CLIP2: variants seen among roughly 807,000 people sequenced by gnomAD.
CLIP2 encodes CAP-Gly domain containing linker protein 2.
A neutral mutation model predicts 111.7 loss-of-function variants in CLIP2; 41 were observed. The ratio of observed to expected loss-of-function variants is 0.37; its 90% CI spans 0.29 to 0.48. CLIP2 has a LOEUF of 0.48. Among genes scored for constraint, CLIP2 ranks in the 20% least tolerant of loss-of-function variants. CLIP2 has a pLI of 0.99. For missense variants in CLIP2, 1,160 were observed against 1,422.1 expected (o/e 0.82, Z 2.96); for synonymous variants, 660 against 644.2 (o/e 1.02, Z -0.37).
intron 13 of CLIP2, among the ~76,000 whole-genome samples, chr7:74,395,684 GAT>G (rs1791425624): frequency 6.6e-6 from 1 of 152,172 alleles, no homozygotes; most frequent in Non-Finnish European, 1.5e-5. Flanking sequence ...TTTCTTGATT[GAT>G]ACAGGCCACC....
intron 3 of CLIP2, among the ~76,000 whole-genome samples, chr7:74,342,775 C>T (rs1216250654): frequency 3.3e-5 from 5 of 152,084 alleles, no homozygotes; most frequent in African/African-American, 1.2e-4. Flanking sequence ...TGGCCGGGCG[C>T]GGTGGCTCAC....
intron 8 of CLIP2, among the ~76,000 whole-genome samples, chr7:74,368,448 C>T (rs1236382053): frequency 5.9e-5 from 9 of 151,472 alleles, no homozygotes; most frequent in African/African-American, 2.2e-4. Flanking sequence ...ACCTGGGAGG[C>T]GGAGGTTGCA....
chr7:74,338,481 C>G lies in CLIP2; in HGVS notation c.155C>G (p.Ser52Cys), dbSNP rs1554732579. 1.2e-6 allele frequency: 2 copies of G among 1,612,562 alleles called. No homozygotes were observed. Among genetic ancestry groups the G allele is most frequent in the South Asian group, 1.1e-5 (1 of 90,982 alleles). ...CTGCACAAACAGTCATCTGGACCCT[C>G]CTCCTCCCCGGCCGCAGCTGCTGCC... ...SPLHKQSSGPSSSPAAAAAPE... is the reference protein window; with the variant it reads ...SPLHKQSSGPCSSPAAAAAPE... The change falls in exon 3 of 17, where the codon TCC (serine) becomes TGC (cysteine). Residue 52 changes from serine to cysteine, a missense_variant. Ser to Cys is a moderately radical substitution (Grantham distance 112). Transcript: ENST00000223398. This position sits in a 1 kb window ranked among gnomAD's most constrained non-coding sequence, Gnocchi z 4.3.
chr7:74,298,224 T>C (rs1554726326), intron 1 of CLIP2, among the ~76,000 whole-genome samples: 1 of 149,118 alleles, frequency 6.7e-6, no homozygotes. Flanking sequence ...TTCACTCTGT[T>C]GCCCAGGCTG....
At chr7:74,349,008 TACAAGAATATTCATA>T (rs1789894026) in intron 3 of CLIP2, among the ~76,000 whole-genome samples, 1 of 151,484 alleles carries the variant, frequency 6.6e-6, no homozygotes, top group Non-Finnish European at 1.5e-5. Context: ...AAAAATCTTG[TACAAGAATATTCATA>T]GCAACATTAT....
At chr7:74,303,209 T>C (rs1001177857) in intron 1 of CLIP2, among the ~76,000 whole-genome samples, 9 of 152,196 alleles carry the variant, frequency 5.9e-5, no homozygotes, top group Admixed American at 5.2e-4. Context: ...GTGGAGACTC[T>C]AGCTTCACCA....
chr7:74,307,054 C>T (rs977215247), intron 1 of CLIP2, among the ~76,000 whole-genome samples: 1 of 152,224 alleles, frequency 6.6e-6, no homozygotes, highest in Admixed American at 6.5e-5. Context: ...GGCAGGTGGC[C>T]TCCCCCTTCT....
At chr7:74,372,886 C>T (rs1244280546) in intron 8 of CLIP2, 46 bp from the exon 9 acceptor site, 7 of 370,222 alleles carry the variant, frequency 1.9e-5, no homozygotes, top group African/African-American at 1.1e-4. Context: ...CCCCTCCCTG[C>T]GTCCCCGCCC....
chr7:74,405,859 C>G lies in CLIP2; in HGVS notation c.*2011C>G, dbSNP rs1554318555. 1 of 152,540 alleles carries G rather than the reference C, an allele frequency of 6.6e-6. No individual in the cohort carries two copies. Among genetic ancestry groups the G allele is most frequent in the East Asian group, 1.9e-4 (1 of 5,186 alleles). The allele number at this position is 152,540 out of a possible 1,614,324, so 9.4% of individuals were successfully genotyped here. On this transcript the variant is annotated 3_prime_UTR_variant, in exon 17 of 17. Coordinates refer to ENST00000223398, the MANE Select transcript of CLIP2 (RefSeq NM_003388.5). The stretch of plus-strand genomic sequence containing the variant: ...CCCTCCCCAGGTCCTTCATTCACCC[C>G]TCCCCTCCCCACAGTGGAATTGTTG...
At chr7:74,369,088 C>T (rs1032518248) in intron 8 of CLIP2, among the ~76,000 whole-genome samples, 2 of 152,184 alleles carry the variant, frequency 1.3e-5, no homozygotes, top group Non-Finnish European at 2.9e-5. Flanking sequence ...TGGTGGCTCA[C>T]GCCTATAATC....
At chr7:74,311,246 C>T (rs550152313) in intron 1 of CLIP2, among the ~76,000 whole-genome samples, 4 of 152,184 alleles carry the variant, frequency 2.6e-5, no homozygotes, top group East Asian at 1.9e-4. Flanking sequence ...CCCAAAGTGC[C>T]GGGATTACAG....
At chr7:74,327,908 G>A (rs113808294) in intron 2 of CLIP2, among the ~76,000 whole-genome samples, 2,158 of 152,286 alleles carry the variant, frequency 0.014, 59 homozygotes, top group African/African-American at 0.049. Flanking sequence ...TGGGTTCCCC[G>A]GCCGCCTCTG....
chr7:74,381,711 CT>C (rs1790952000), intron 11 of CLIP2: 1 of 441,518 alleles, frequency 2.3e-6, no homozygotes, highest in Admixed American at 2.5e-5. Context: ...AACAATGTAT[CT>C]TGGAGAGGGT....
chr7:74,372,400 CT>C (rs147958678), intron 8 of CLIP2, among the ~76,000 whole-genome samples: 5,685 of 24,404 alleles, frequency 0.23, 1,687 homozygotes, highest in East Asian at 0.66. Context: ...TAGCACAGGC[CT>C]TGGGGGGGGG....
chr7:74,317,263 T>C (rs115048366), intron 1 of CLIP2, among the ~76,000 whole-genome samples: 7 of 152,156 alleles, frequency 4.6e-5, no homozygotes, highest in African/African-American at 1.4e-4. Context: ...CTCTGTGTGT[T>C]TGTCCTGCCC....
chr7:74,308,612 C>A (rs1161713537), intron 1 of CLIP2, among the ~76,000 whole-genome samples: 1 of 152,062 alleles, frequency 6.6e-6, no homozygotes, highest in Non-Finnish European at 1.5e-5. Context: ...TCAAGCGATT[C>A]TCCTGCCTCC....
rs371729279 is a variant in CLIP2, at chr7:74,404,823, C to G, written c.*975C>G. The stretch of plus-strand genomic sequence containing the variant: ...CACACACAGAGGGACCACGTGTGCA[C>G]GCATGACCGTGTGGGTGGCGGCGTT... On this transcript the variant is annotated 3_prime_UTR_variant, in exon 17 of 17. Coordinates refer to ENST00000223398, the MANE Select transcript of CLIP2 (RefSeq NM_003388.5). 6.6e-6 allele frequency: 1 copy of G among 152,178 alleles called. No homozygotes were observed. The highest frequency in any genetic ancestry group is 1.9e-4 in the East Asian group (1 of 5,176). The allele number at this position is 152,178 out of a possible 1,614,324, so 9.4% of individuals were successfully genotyped here.
At chr7:74,375,127 A>G (rs916940321) in intron 9 of CLIP2, among the ~76,000 whole-genome samples, 6 of 152,128 alleles carry the variant, frequency 3.9e-5, no homozygotes, top group African/African-American at 1.4e-4. Flanking sequence ...TCATGCCCAT[A>G]GAGTCCCAGC....
intron 16 of CLIP2, among the ~76,000 whole-genome samples, chr7:74,402,339 A>C (rs10238291): frequency 0.02 from 2,962 of 149,674 alleles, 109 homozygotes; most frequent in African/African-American, 0.069. Flanking sequence ...CAAAAAAAAA[A>C]AAAACCAAAA....
Sources: gnomAD v4.1 joint callset for allele counts (sites outside exome capture counted in the v4.1 genomes callset) on GRCh38, gnomAD v4.1.1 for gene constraint, Gnocchi (gnomAD v3.1) non-coding constraint, MANE v1.5 for transcripts, NCBI Gene and HGNC (gene_info 2026-07-23, HGNC 2026-07-21) for gene names.